Variants in MINAR1 observed in about 807,000 individuals in gnomAD.
MINAR1 encodes the protein major intrinsically disordered Notch2-binding receptor 1.
In MINAR1, 40 loss-of-function variants were observed where a neutral mutation model predicts 65.1. The ratio of observed to expected loss-of-function variants is 0.61; its 90% CI spans 0.48 to 0.80. The LOEUF (loss-of-function observed/expected upper bound fraction) is 0.80. MINAR1 is among the 30% of genes least tolerant of loss of function. The pLI is 0.00. For missense variants in MINAR1, 1,128 were observed against 1,148.0 expected (o/e 0.98, Z 0.25); for synonymous variants, 482 against 449.1 (o/e 1.07, Z -0.93).
intron 1 of MINAR1, among the ~76,000 whole-genome samples, chr15:79,436,292 G>A (rs1036268929): frequency 3.9e-5 from 6 of 152,206 alleles, no homozygotes; most frequent in African/African-American, 1.2e-4. Flanking sequence ...ATCCAGGAAG[G>A]CCAGTCCTTG....
rs1895462371 is a variant in MINAR1 at position 79,457,216 on chromosome 15, A to C, written c.1069A>C (p.Lys357Gln). The change falls in exon 2 of 4, where the codon AAG becomes CAG. Residue 357 changes from lysine (K) to glutamine (Q), a missense_variant. Physicochemically the swap from Lys to Gln is moderately conservative, Grantham distance 53 (BLOSUM62 1). Transcript: ENST00000305428. ...CCAAGAAGCCAGGCGCTGTCTAGGG[A>C]AGCCCAACAAGCAGACTCCCTGGCC... ...GTQEARRCLG[K>Q]PNKQTPWPAK... The C allele has an allele frequency of 6.2e-7, 1 of 1,614,058 alleles. No homozygotes were observed. The highest frequency in any genetic ancestry group is 1.3e-5 in the African/African-American group (1 of 75,044).
intron 1 of MINAR1, among the ~76,000 whole-genome samples, chr15:79,439,577 G>A (rs1894807908): frequency 6.6e-6 from 1 of 151,784 alleles, no homozygotes; most frequent in South Asian, 2.1e-4. Context: ...GTAGTCTGTG[G>A]GCTGGGTGGT....
At position 79,458,259 on chromosome 15, in the gene MINAR1, C is replaced by T; in HGVS notation, c.2112C>T (p.Phe704=). Residue 704 remains phenylalanine, a synonymous_variant, in exon 2 of 4, where the codon TTC becomes TTT. Transcript: ENST00000305428. ...TCAAGGCCTTAAAAAAAAGCCTCTT[C>T]ACCAGGCCATCCTCTAGGTCCCTAA... ...LRVKALKKSL[F]TRPSSRSLTE... is the part of the protein sequence containing the mutation. 3 of 1,614,128 alleles carry T rather than the reference C, an allele frequency of 1.9e-6. No homozygotes were observed. Among genetic ancestry groups the T allele is most frequent in the Admixed American group, 1.7e-5 (1 of 60,028 alleles).
In MINAR1 at chr15:79,468,352, A is replaced by G. The variant is rs1245314810; in HGVS notation, c.2719A>G (p.Ile907Val). 1 of 1,614,054 alleles carries G rather than the reference A, an allele frequency of 6.2e-7. No individual in the cohort carries two copies. The highest frequency in any genetic ancestry group is 2.2e-5 in the East Asian group (1 of 44,886). Reference sequence around the variant, plus strand: ...TGCGGCATGCACCGTCATCCTCGTTATTGTCGTGCCCATCTGCACAATGAA... The same window carrying G: ...TGCGGCATGCACCGTCATCCTCGTTGTTGTCGTGCCCATCTGCACAATGAA... ...AAAACTVILV[I>V]VVPICTMKS Residue 907 changes from isoleucine (I) to valine (V), a missense_variant, in exon 4 of 4, where the codon ATT becomes GTT. By Grantham distance (29) the Ile-to-Val change is conservative. Coordinates refer to ENST00000305428, the MANE Select transcript of MINAR1 (RefSeq NM_015206.3).
chr15:79,447,753 C>CAAAATATTT (rs1222804412), intron 1 of MINAR1, among the ~76,000 whole-genome samples: 1 of 152,006 alleles, frequency 6.6e-6, no homozygotes, highest in Non-Finnish European at 1.5e-5. Context: ...ATTTGGGCCC[C>CAAAATATTT]AAAATATTTA....
chr15:79,463,951 A>C (rs1253286418), intron 3 of MINAR1, among the ~76,000 whole-genome samples: 3 of 152,128 alleles, frequency 2.0e-5, no homozygotes, highest in Admixed American at 2.0e-4. Context: ...CTGTCCCCCT[A>C]CCTGTGCACT....
chr15:79,432,698 G>A (rs1894481874), intron 1 of MINAR1, among the ~76,000 whole-genome samples, 158 bp downstream of exon 1: 1 of 152,172 alleles, frequency 6.6e-6, no homozygotes, highest in African/African-American at 2.4e-5. Flanking sequence ...TGGCCCCGGA[G>A]CATTGCGGGC....
chr15:79,448,221 T>A (rs1895075414), intron 1 of MINAR1, among the ~76,000 whole-genome samples: 1 of 152,228 alleles, frequency 6.6e-6, no homozygotes, highest in Admixed American at 6.5e-5. Context: ...TGCTTCATAA[T>A]CACTTGACTT....
At chr15:79,431,119 G>T (rs1455405180), upstream of MINAR1, among the ~76,000 whole-genome samples, 2 of 152,022 alleles carry the variant, frequency 1.3e-5, no homozygotes, top group Non-Finnish European at 2.9e-5. Flanking sequence ...CCCCCGAGAG[G>T]GCTCTGTCCC....
At chr15:79,453,393 C>G (rs1567055950) in intron 1 of MINAR1, among the ~76,000 whole-genome samples, 1 of 151,750 alleles carries the variant, frequency 6.6e-6, no homozygotes, top group Admixed American at 6.6e-5. Context: ...TGTCACCTCT[C>G]TGGATTATAT....
At chr15:79,458,544 G>C (rs1396110485) in intron 2 of MINAR1, 99 bp downstream of exon 2, 27 of 1,409,246 alleles carry the variant, frequency 1.9e-5, no homozygotes, top group Non-Finnish European at 2.5e-5. Flanking sequence ...CAAGAGGCCT[G>C]GCCTCTGTGT....
chr15:79,432,796 A>G (rs549745823), intron 1 of MINAR1, among the ~76,000 whole-genome samples: 1 of 152,298 alleles, frequency 6.6e-6, no homozygotes, highest in East Asian at 1.9e-4. Context: ...CACCTGGTGG[A>G]CAGAGCAGGG....
chr15:79,458,872 G>A (rs538742618), intron 2 of MINAR1, among the ~76,000 whole-genome samples: 47 of 152,284 alleles, frequency 3.1e-4, no homozygotes, highest in African/African-American at 1.1e-3. Context: ...GGACTTCATT[G>A]TATGTGTGAT....
At chr15:79,441,726 G>A (rs902720540) in intron 1 of MINAR1, among the ~76,000 whole-genome samples, 2 of 152,022 alleles carry the variant, frequency 1.3e-5, no homozygotes, top group African/African-American at 4.8e-5. Flanking sequence ...TGAGTATACT[G>A]ATTATAGATA....
At chr15:79,416,486 C>T in the MINAR1 span, 30 of 152,332 alleles carry the variant, frequency 2.0e-4, no homozygotes, top group African/African-American at 7.0e-4. Flanking sequence ...CTCATCTTAC[C>T]AGGACAGAAC....
rs1348985211 is a variant in MINAR1 at position 79,470,026 on chromosome 15, G to A, written c.*1642G>A. On this transcript the variant is annotated 3_prime_UTR_variant, in exon 4 of 4. Transcript: ENST00000305428. ...TTAATTTTATTATGTTAACAAGTGA[G>A]GGATGAATGTTTTCATCTGTGGTGA... The A allele has an allele frequency of 6.6e-6, 1 of 152,536 alleles. No individual in the cohort carries two copies. The highest frequency in any genetic ancestry group is 1.5e-5 in the Non-Finnish European group (1 of 68,030). 9.4% of individuals were successfully genotyped at this position (152,536 alleles called of 1,614,324 possible).
At chr15:79,455,243 G>A (rs1485590910) in intron 1 of MINAR1, among the ~76,000 whole-genome samples, 1 of 152,078 alleles carries the variant, frequency 6.6e-6, no homozygotes, top group East Asian at 1.9e-4. Flanking sequence ...ACCACTATTA[G>A]CATCTTAGTG....
rs1895466532 is a variant in MINAR1, at chr15:79,457,300, A to G, written c.1153A>G (p.Asn385Asp). The G allele has an allele frequency of 6.2e-7, 1 of 1,614,072 alleles. No homozygotes were observed. Among genetic ancestry groups the G allele is most frequent in the African/African-American group, 1.3e-5 (1 of 74,910 alleles). ...TCCTGACTTTGAACGGTCCTTTTTC[A>G]ATAGAAATCCCTCCGAGGAGAAGCT... ...EVPDFERSFF[N>D]RNPSEEKLHY... The change falls in exon 2 of 4, where the codon AAT becomes GAT. Residue 385 changes from asparagine (N) to aspartate (D), a missense_variant. Coordinates refer to ENST00000305428, the MANE Select transcript of MINAR1 (RefSeq NM_015206.3).
At chr15:79,439,986 T>C (rs1234687925) in intron 1 of MINAR1, among the ~76,000 whole-genome samples, 1 of 152,156 alleles carries the variant, frequency 6.6e-6, no homozygotes, top group African/African-American at 2.4e-5. Flanking sequence ...ACTCCTGTTC[T>C]TTTCTGCACT....
Sources: allele counts gnomAD v4.1 joint callset (sites outside exome capture counted in the v4.1 genomes callset), GRCh38; gene constraint gnomAD v4.1.1; transcripts MANE v1.5; gene names NCBI Gene and HGNC (gene_info 2026-07-23, HGNC 2026-07-21).